LRMDA: variants seen among roughly 807,000 people sequenced by gnomAD.
LRMDA encodes the protein leucine-rich melanocyte differentiation-associated protein.
A neutral mutation model predicts 29.8 loss-of-function variants in LRMDA; 18 were observed. The observed-to-expected ratio is 0.60, with a 90% CI of 0.42 to 0.90. The LOEUF is 0.90. Ranked by LOEUF, LRMDA falls within the 40% of genes least tolerant of loss-of-function variation. The pLI is 0.00. For synonymous variants in LRMDA, 125 were observed against 109.4 expected (o/e 1.14, Z -0.89); for missense variants, 273 against 273.9 (o/e 1.00, Z 0.02).
intron 5 of LRMDA, among the ~76,000 whole-genome samples, chr10:76,296,291 G>T (rs139935361): frequency 1.3e-5 from 2 of 152,314 alleles, no homozygotes; most frequent in East Asian, 3.9e-4. Context: ...ATGAGGCCAA[G>T]GTTGCACGTT....
At chr10:76,109,130 G>A (rs1849534299) in intron 5 of LRMDA, among the ~76,000 whole-genome samples, 1 of 152,146 alleles carries the variant, frequency 6.6e-6, no homozygotes, top group Admixed American at 6.5e-5. Context: ...GTGCTGTAGG[G>A]CCTTAGAGCA....
chr10:75,837,358 C>G (rs948348437), intron 2 of LRMDA, among the ~76,000 whole-genome samples: 2 of 152,048 alleles, frequency 1.3e-5, no homozygotes, highest in African/African-American at 4.8e-5. Context: ...TTTGAGTGAG[C>G]CCTTGAATGA....
At chr10:76,031,693 C>G (rs183698921) in intron 2 of LRMDA, among the ~76,000 whole-genome samples, 1 of 152,072 alleles carries the variant, frequency 6.6e-6, no homozygotes, top group African/African-American at 2.4e-5. Flanking sequence ...CCAGGTTAGG[C>G]CCTTTAGAAC....
At chr10:76,387,392 G>C (rs1841671610) in intron 6 of LRMDA, among the ~76,000 whole-genome samples, 1 of 152,102 alleles carries the variant, frequency 6.6e-6, no homozygotes, top group Non-Finnish European at 1.5e-5. Context: ...CTTGAGCCCA[G>C]GAGTTTGAGA....
chr10:76,545,984 T>TG (rs1430945887), intron 6 of LRMDA, among the ~76,000 whole-genome samples: 6 of 152,118 alleles, frequency 3.9e-5, no homozygotes, highest in Non-Finnish European at 8.8e-5. Flanking sequence ...TCAGAAACTC[T>TG]GGGGAACGGG....
intron 6 of LRMDA, among the ~76,000 whole-genome samples, chr10:76,328,917 G>C (rs1326854792): frequency 6.6e-6 from 1 of 152,148 alleles, no homozygotes; most frequent in Non-Finnish European, 1.5e-5. Flanking sequence ...GGAATTAGAG[G>C]TGCTGCCACC....
rs1898070 is a variant in LRMDA at position 76,047,334 on chromosome 10, A to C, written c.398+31A>C. 672,964 of 1,568,422 alleles carry C rather than the reference A, an allele frequency of 0.43. 153,020 individuals carry two copies. The highest frequency in any genetic ancestry group is 0.46 in the Non-Finnish European group (537,837 of 1,158,250). ...TGTCCAGGGGTTGGACCATGGTGGG[A>C]AAAGGGAAAAAGAGAAACTTTAGGG... On this transcript the variant is annotated intron_variant, in intron 4 of 6. Transcript: ENST00000611255.
chr10:75,547,419 G>C lies in LRMDA; in HGVS notation c.131+108925G>C, dbSNP rs556908243. Among the ~76,000 whole-genome samples, 169 of 152,326 alleles carry C rather than the reference G, an allele frequency of 1.1e-3. 2 individuals are homozygous for C. The highest frequency in any genetic ancestry group is 3.0e-3 in the Admixed American group (46 of 15,290). Reference sequence around the variant, plus strand: ...GAAGACCTTTCTGACTCAAGTGACTGTGGCTCTGACAGGAGTATCTTTCCT... The same window carrying C: ...GAAGACCTTTCTGACTCAAGTGACTCTGGCTCTGACAGGAGTATCTTTCCT... On this transcript the variant is annotated intron_variant, in intron 2 of 6. Transcript: ENST00000611255.
chr10:76,431,879 G>A (rs916931037), intron 6 of LRMDA, among the ~76,000 whole-genome samples: 1 of 152,138 alleles, frequency 6.6e-6, no homozygotes, highest in Non-Finnish European at 1.5e-5. Flanking sequence ...TTTAAAAAAC[G>A]GGAATTTCCC....
At chr10:76,383,903 A>G (rs960164692) in intron 6 of LRMDA, among the ~76,000 whole-genome samples, 1 of 152,060 alleles carries the variant, frequency 6.6e-6, no homozygotes, top group Non-Finnish European at 1.5e-5. Context: ...CCCACCAGTC[A>G]CTTTCCATCA....
chr10:75,768,592 A>G (rs1043945941), intron 2 of LRMDA, among the ~76,000 whole-genome samples: 1 of 152,148 alleles, frequency 6.6e-6, no homozygotes, highest in South Asian at 2.1e-4. Context: ...CATCAGACAC[A>G]TTGGTATTTT....
intron 2 of LRMDA, among the ~76,000 whole-genome samples, chr10:75,608,849 A>T (rs77321064): frequency 0.042 from 6,331 of 152,204 alleles, 401 homozygotes; most frequent in African/African-American, 0.14. Context: ...TCTTCCAAAG[A>T]ATCCCTTTTT....
chr10:76,318,909 GT>G (rs575646440), intron 5 of LRMDA: 6 of 149,526 alleles, frequency 4.0e-5, no homozygotes, highest in East Asian at 2.0e-4. Flanking sequence ...ATGGTATGTA[GT>G]TTTTTTTTTG....
intron 2 of LRMDA, among the ~76,000 whole-genome samples, chr10:75,586,821 G>GT (rs11390766): frequency 0.77 from 113,461 of 148,224 alleles, 43,397 homozygotes; most frequent in East Asian, 0.85. Context: ...GGGTTATTAG[G>GT]TTTTTTTTTT....
At chr10:75,576,304 A>C (rs1840505405) in intron 2 of LRMDA, among the ~76,000 whole-genome samples, 1 of 152,250 alleles carries the variant, frequency 6.6e-6, no homozygotes, top group African/African-American at 2.4e-5. Context: ...CACTGCTGCC[A>C]GACTGCCTCT....
chr10:75,653,579 A>G (rs1318843259), intron 2 of LRMDA, among the ~76,000 whole-genome samples: 1 of 152,220 alleles, frequency 6.6e-6, no homozygotes, highest in African/African-American at 2.4e-5. Context: ...ATGAAAATAT[A>G]ATTTTCTGGA....
intron 2 of LRMDA, among the ~76,000 whole-genome samples, chr10:76,016,051 A>T (rs988035780): frequency 6.6e-6 from 1 of 152,168 alleles, no homozygotes; most frequent in Non-Finnish European, 1.5e-5. Context: ...TTCTATTGTT[A>T]TCTTGAGTTA....
chr10:76,263,613 G>A (rs1223671463), intron 5 of LRMDA, among the ~76,000 whole-genome samples: 2 of 152,218 alleles, frequency 1.3e-5, no homozygotes, highest in African/African-American at 2.4e-5. Flanking sequence ...AGGGATGGGA[G>A]CTTGTTCATT....
chr10:75,812,351 T>C (rs929492166), intron 2 of LRMDA, among the ~76,000 whole-genome samples: 6 of 152,150 alleles, frequency 3.9e-5, no homozygotes, highest in African/African-American at 1.2e-4. Context: ...GTTAGCAGCC[T>C]GGTATAAATT....
Sources: gnomAD v4.1 joint callset for allele counts (sites outside exome capture counted in the v4.1 genomes callset) on GRCh38, gnomAD v4.1.1 for gene constraint, MANE v1.5 for transcripts, NCBI Gene and HGNC (gene_info 2026-07-23, HGNC 2026-07-21) for gene names.